Variants in MYZAP observed in about 807,000 individuals in gnomAD.
The protein encoded by MYZAP is GRINL1A complex locus upstream.
A neutral mutation model predicts 69.4 loss-of-function variants in MYZAP; 66 were observed. That is an observed-to-expected ratio of 0.95 (90% CI 0.78 to 1.17). The LOEUF is 1.17. Ranked by LOEUF, MYZAP falls within the 50% of genes most tolerant of loss-of-function variation. The pLI, the probability that MYZAP is intolerant of heterozygous loss-of-function variation, is 0.00. For synonymous variants in MYZAP, 256 were observed against 205.9 expected, an observed-to-expected ratio of 1.24 and a Z score of -2.09; for missense variants, 611 against 556.2, an observed-to-expected ratio of 1.10 and a Z score of -0.99.
chr15:57,662,234 G>C (rs1186571364), intron 11 of MYZAP, among the ~76,000 whole-genome samples: 2 of 152,162 alleles, frequency 1.3e-5, no homozygotes, highest in African/African-American at 4.8e-5. Context: ...TTCTTTATTA[G>C]AGCTTGGCAT....
intron 12 of MYZAP, among the ~76,000 whole-genome samples, chr15:57,677,283 G>A (rs576155755): frequency 6.6e-6 from 1 of 152,216 alleles, no homozygotes. Context: ...TGTTTTGTCT[G>A]TTGGATTCCA....
intron 10 of MYZAP, chr15:57,646,881 T>G (rs1238259002): frequency 2.0e-6 from 2 of 985,348 alleles, no homozygotes; most frequent in South Asian, 4.7e-5. Flanking sequence ...TATGTTGAAC[T>G]GAAACATCCT....
chr15:57,613,294 G>A (rs1429689641), intron 2 of MYZAP, among the ~76,000 whole-genome samples: 1 of 152,016 alleles, frequency 6.6e-6, no homozygotes, highest in South Asian at 2.1e-4. Flanking sequence ...GCTTTTAATA[G>A]AGTACATTTT....
chr15:57,602,043 G>A (rs1164233294), intron 1 of MYZAP, among the ~76,000 whole-genome samples: 1 of 152,128 alleles, frequency 6.6e-6, no homozygotes, highest in Non-Finnish European at 1.5e-5. Flanking sequence ...ATTTTTGGGT[G>A]TTGGGTTTCT....
intron 10 of MYZAP, chr15:57,648,423 A>T: frequency 1.0e-6 from 1 of 985,418 alleles, no homozygotes; most frequent in Non-Finnish European, 1.2e-6. Flanking sequence ...AGGCTGAGTA[A>T]TTCATGTTTT....
At chr15:57,640,760 C>G (rs1228051964) in intron 10 of MYZAP, among the ~76,000 whole-genome samples, 1 of 152,158 alleles carries the variant, frequency 6.6e-6, no homozygotes, top group Non-Finnish European at 1.5e-5. Context: ...TGCAGTTATA[C>G]TGTGTTGAAT....
intron 8 of MYZAP, among the ~76,000 whole-genome samples, chr15:57,635,325 A>G (rs1178062597): frequency 3.3e-5 from 5 of 152,198 alleles, no homozygotes; most frequent in Admixed American, 6.5e-5. Flanking sequence ...ATTTGTGGCT[A>G]TGATTTTTAC....
At chr15:57,614,086 G>T (rs2035281834) in intron 2 of MYZAP, among the ~76,000 whole-genome samples, 1 of 152,104 alleles carries the variant, frequency 6.6e-6, no homozygotes, top group Non-Finnish European at 1.5e-5. Context: ...GCTTTTCTGG[G>T]TATACATGTT....
chr15:57,670,827 G>C (rs6493941), intron 11 of MYZAP, among the ~76,000 whole-genome samples: 136,464 of 152,094 alleles, frequency 0.9, 62,398 homozygotes, highest in Non-Finnish European at 0.98. Context: ...TGTTCACTGT[G>C]CACCTAGAGA....
rs752669069 is a variant in MYZAP at position 57,633,650 on chromosome 15, C to T, written c.842C>T (p.Ala281Val). ...AGTTTTCTGAAAGCGATTGAAGAAGCCAATAAAAAGATGCAAGCAGCAGAG... is the reference window on the plus strand; with the variant it reads ...AGTTTTCTGAAAGCGATTGAAGAAGTCAATAAAAAGATGCAAGCAGCAGAG... ...TNSFLKAIEE[A>V]NKKMQAAEIS... The change falls in exon 8 of 13, where the codon GCC (alanine) becomes GTC (valine). Residue 281 changes from alanine (A) to valine (V), a missense_variant. By Grantham distance (64) the Ala-to-Val change is moderately conservative (BLOSUM62 0). Transcript: ENST00000267853. The T allele has an allele frequency of 6.2e-7, 1 of 1,612,488 alleles. No homozygotes were observed. Among genetic ancestry groups the T allele is most frequent in the East Asian group, 2.2e-5 (1 of 44,820 alleles).
intron 11 of MYZAP, among the ~76,000 whole-genome samples, chr15:57,671,074 C>T (rs1314436858): frequency 3.3e-5 from 5 of 152,094 alleles, no homozygotes; most frequent in African/African-American, 9.7e-5. Flanking sequence ...GATGTCATCT[C>T]GCCTCAGCCT....
intron 11 of MYZAP, among the ~76,000 whole-genome samples, chr15:57,662,927 C>G (rs952486729): frequency 4.6e-5 from 7 of 152,218 alleles, no homozygotes; most frequent in African/African-American, 1.7e-4. Flanking sequence ...GCCCAAGAGT[C>G]TCTGTCTTTT....
chr15:57,606,731 T>TAA (rs1217893535), intron 2 of MYZAP, among the ~76,000 whole-genome samples: 3 of 151,966 alleles, frequency 2.0e-5, no homozygotes, highest in African/African-American at 4.8e-5. Context: ...AGTATAATAA[T>TAA]AATAAAATAA....
At chr15:57,638,926 A>AGATCT (rs1461221784) in intron 9 of MYZAP, among the ~76,000 whole-genome samples, 2 of 152,326 alleles carry the variant, frequency 1.3e-5, no homozygotes, top group Non-Finnish European at 2.9e-5. Context: ...AGAGCTTCTC[A>AGATCT]GATCTGTAAA....
In MYZAP at chr15:57,683,122, C is replaced by A. The variant is rs540096345; in HGVS notation, c.1305-1280C>A. The stretch of plus-strand genomic sequence containing the variant: ...ACAGTGGAAGCTGTTACCACCCTTG[C>A]CTGAGGAGGCAGGGGAGAAAGCTGG... On this transcript the variant is annotated intron_variant, in intron 12 of 12. Coordinates refer to ENST00000267853, the MANE Select transcript of MYZAP (RefSeq NM_001018100.5). 1.0e-3 allele frequency among the ~76,000 whole-genome samples: 155 copies of A among 152,214 alleles called. 1 individual carries two copies. The highest frequency in any genetic ancestry group is 3.6e-3 in the African/African-American group (150 of 41,528).
At chr15:57,673,540 A>G (rs1400180518) in intron 11 of MYZAP, among the ~76,000 whole-genome samples, 2 of 146,800 alleles carry the variant, frequency 1.4e-5, no homozygotes, top group South Asian at 2.2e-4. Flanking sequence ...CTCTCCGGGA[A>G]TAAGCCAGCA....
At position 57,684,529 on chromosome 15, in the gene MYZAP, G is replaced by C; in HGVS notation, c.*31G>C. 2 of 1,409,850 alleles carry C rather than the reference G, an allele frequency of 1.4e-6. No individual in the cohort carries two copies. The highest frequency in any genetic ancestry group is 2.0e-6 in the Non-Finnish European group (2 of 1,005,204). 87.3% of individuals were successfully genotyped at this position (1,409,850 alleles called of 1,614,324 possible). A position where few individuals can be genotyped will look rare whatever the true frequency, so the allele number is the denominator to read the frequency against. ...CAGAGGCATACACTTTTTACAGATG[G>C]ACAAAAGCTCTGGAACCCTGTGGCT... On this transcript the variant is annotated 3_prime_UTR_variant, in exon 13 of 13. Transcript: ENST00000267853.
Position 57,604,365 on chromosome 15 carries a change from C to G in MYZAP, c.162+10C>G, listed in dbSNP as rs756910527. The G allele has an allele frequency of 1.9e-6, 3 of 1,614,090 alleles. No homozygotes were observed. Among genetic ancestry groups the G allele is most frequent in the Non-Finnish European group, 2.5e-6 (3 of 1,179,954 alleles). ...TGAGAGAAAAGAGCAGGTAAGGTAT[C>G]TCCGAGGCAAAGCCCCAACAAGTTC... is the stretch of plus-strand genomic sequence containing the variant. On this transcript the variant is annotated intron_variant, in intron 2 of 12. Transcript: ENST00000267853.
chr15:57,681,185 G>T (rs543484332), intron 12 of MYZAP, among the ~76,000 whole-genome samples: 8 of 152,316 alleles, frequency 5.3e-5, no homozygotes, highest in Admixed American at 5.2e-4. Flanking sequence ...TTTCACAGGA[G>T]TTGGCACAAA....
Sources: gnomAD v4.1 joint callset for allele counts (sites outside exome capture counted in the v4.1 genomes callset) on GRCh38, gnomAD v4.1.1 for gene constraint, MANE v1.5 for transcripts, NCBI Gene and HGNC (gene_info 2026-07-23, HGNC 2026-07-21) for gene names.